Variants in SLC30A7 observed in about 807,000 individuals in gnomAD.
SLC30A7 encodes solute carrier family 30 member 7.
In SLC30A7, 35 loss-of-function variants were observed where a neutral mutation model predicts 46.0. The observed-to-expected ratio is 0.76, with a 90% CI of 0.58 to 1.01. The LOEUF (loss-of-function observed/expected upper bound fraction) is 1.01, where lower values mean the gene tolerates loss of function less well. Among genes scored for constraint, SLC30A7 ranks in the 50% least tolerant of loss-of-function variants. The probability of loss-of-function intolerance (pLI) is 0.00; values close to 1 mark genes in which losing one functional copy is unlikely to be tolerated. For missense variants in SLC30A7, 464 were observed against 451.1 expected, an observed-to-expected ratio of 1.03 and a Z score of -0.26; for synonymous variants, 147 against 157.8, an observed-to-expected ratio of 0.93 and a Z score of 0.51.
At chr1:100,952,986 C>T (rs1020970766) in intron 8 of SLC30A7, among the ~76,000 whole-genome samples, 2 of 152,092 alleles carry the variant, frequency 1.3e-5, no homozygotes, top group Admixed American at 1.3e-4. Flanking sequence ...GGAGGAAGGA[C>T]CTGGTGGAAG....
the SLC30A7 span, chr1:100,995,132 G>C: frequency 6.3e-7 from 1 of 1,578,646 alleles, no homozygotes; most frequent in Non-Finnish European, 8.7e-7. Context: ...TCCAAAGACT[G>C]CTCCTTTACT....
chr1:100,930,287 CTT>C (rs1653588224), intron 8 of SLC30A7, among the ~76,000 whole-genome samples: 1 of 151,840 alleles, frequency 6.6e-6, no homozygotes, highest in African/African-American at 2.4e-5. Context: ...AAAAACAAGT[CTT>C]TTTGTTAGGT....
chr1:100,958,497 A>G (rs572192422), intron 8 of SLC30A7, among the ~76,000 whole-genome samples: 1 of 152,138 alleles, frequency 6.6e-6, no homozygotes, highest in African/African-American at 2.4e-5. Context: ...TGTTTAATCT[A>G]ATGGCCTTTT....
intron 8 of SLC30A7, among the ~76,000 whole-genome samples, chr1:100,922,185 C>T (rs1049016420): frequency 2.6e-5 from 4 of 151,982 alleles, no homozygotes; most frequent in Admixed American, 6.6e-5. Flanking sequence ...AGGCTGGTCT[C>T]AAACTCTTGA....
At chr1:100,910,990 A>G (rs1557977783) in intron 3 of SLC30A7, 73 bp from the exon 4 acceptor site, 1 of 1,178,444 alleles carries the variant, frequency 8.5e-7, no homozygotes, top group Non-Finnish European at 1.2e-6. Flanking sequence ...GAATCTCTGA[A>G]TGTATGTAAT....
At chr1:100,969,240 CCTT>C (rs1482443852) in intron 10 of SLC30A7, among the ~76,000 whole-genome samples, 1 of 152,174 alleles carries the variant, frequency 6.6e-6, no homozygotes, top group Non-Finnish European at 1.5e-5. Flanking sequence ...GTGTCTGAAT[CCTT>C]CTTACACCTT....
rs1656942559 is a variant in SLC30A7, at chr1:100,981,710, G to T, written c.*6853G>T. On this transcript the variant is annotated 3_prime_UTR_variant, in exon 11 of 11. Coordinates refer to ENST00000357650, the MANE Select transcript of SLC30A7 (RefSeq NM_133496.5). ...TTCATATGTATTTAAAAAGAATCATGAACTGTATCAAAATTCTTTCAATAA... is the reference window on the plus strand; with the variant it reads ...TTCATATGTATTTAAAAAGAATCATTAACTGTATCAAAATTCTTTCAATAA... The T allele has an allele frequency of 6.6e-6, 1 of 152,100 alleles. No individual in the cohort carries two copies. The highest frequency in any genetic ancestry group is 1.5e-5 in the Non-Finnish European group (1 of 68,012). 9.4% of individuals were successfully genotyped at this position (152,100 alleles called of 1,614,324 possible). A position where few individuals can be genotyped will look rare whatever the true frequency, so the allele number is the denominator to read the frequency against.
intron 8 of SLC30A7, among the ~76,000 whole-genome samples, chr1:100,940,288 A>G (rs1654264341): frequency 1.3e-5 from 2 of 152,240 alleles, no homozygotes; most frequent in African/African-American, 4.8e-5. Flanking sequence ...TTTTAAAAGT[A>G]AAACATGAAA....
intron 9 of SLC30A7, among the ~76,000 whole-genome samples, chr1:100,962,612 C>T (rs1240064288): frequency 6.6e-6 from 1 of 152,144 alleles, no homozygotes; most frequent in Non-Finnish European, 1.5e-5. Flanking sequence ...GCTTGAAAGC[C>T]TGGAGAGAAT....
intron 8 of SLC30A7, among the ~76,000 whole-genome samples, chr1:100,940,293 A>C (rs896376344): frequency 3.9e-5 from 6 of 152,364 alleles, no homozygotes; most frequent in Admixed American, 3.9e-4. Flanking sequence ...AAAGTAAAAC[A>C]TGAAACCATG....
intron 9 of SLC30A7, 60 bp from the exon 10 acceptor site, chr1:100,965,709 T>G: frequency 1.4e-6 from 2 of 1,404,734 alleles, no homozygotes; most frequent in South Asian, 1.2e-5. Flanking sequence ...GCATAATAAC[T>G]TAAGTAAAAG....
At chr1:100,933,686 G>A (rs1339747552) in intron 8 of SLC30A7, among the ~76,000 whole-genome samples, 3 of 152,064 alleles carry the variant, frequency 2.0e-5, no homozygotes, top group Admixed American at 2.0e-4. Context: ...TTGTCCTTGC[G>A]ATAGTTTGTT....
chr1:100,911,880 T>A (rs1285304843), intron 4 of SLC30A7, among the ~76,000 whole-genome samples: 2 of 152,176 alleles, frequency 1.3e-5, no homozygotes, highest in Non-Finnish European at 2.9e-5. Context: ...GAACAAGTTT[T>A]GGACCAAATA....
the SLC30A7 span, chr1:100,995,268 AT>A: frequency 1.7e-6 from 1 of 578,152 alleles, no homozygotes; most frequent in South Asian, 2.1e-5. Context: ...TCACATTTTA[AT>A]TAGCCACTTT....
chr1:100,940,433 G>A (rs1357994203), intron 8 of SLC30A7, among the ~76,000 whole-genome samples: 1 of 152,056 alleles, frequency 6.6e-6, no homozygotes, highest in African/African-American at 2.4e-5. Flanking sequence ...TTAAAAAGAA[G>A]AATTTTGGCA....
chr1:100,906,776 AAT>A, intron 2 of SLC30A7, 74 bp from the exon 3 acceptor site: 1 of 952,722 alleles, frequency 1.0e-6, no homozygotes, highest in Non-Finnish European at 1.7e-6. Context: ...ACAAAGGCTG[AAT>A]CTTAGACTTT....
At chr1:100,972,327 CG>C (rs1656202971) in intron 10 of SLC30A7, 3 of 312,154 alleles carry the variant, frequency 9.6e-6, no homozygotes, top group Non-Finnish European at 2.0e-5. Context: ...CTGTCCTCAT[CG>C]GGCCAGATGG....
At chr1:100,989,161 A>G in the SLC30A7 span, among the ~76,000 whole-genome samples, 2 of 152,216 alleles carry the variant, frequency 1.3e-5, no homozygotes, top group Admixed American at 6.5e-5. Context: ...AATACTAGTA[A>G]GAAGAGTGTG....
At chr1:100,959,720 C>T (rs1252922329) in intron 8 of SLC30A7, among the ~76,000 whole-genome samples, 1 of 152,180 alleles carries the variant, frequency 6.6e-6, no homozygotes, top group Non-Finnish European at 1.5e-5. Flanking sequence ...TTAATCTTGG[C>T]AGTGATGTCT....
Sources: allele counts gnomAD v4.1 joint callset (sites outside exome capture counted in the v4.1 genomes callset), GRCh38; gene constraint gnomAD v4.1.1; transcripts MANE v1.5; gene names NCBI Gene and HGNC (gene_info 2026-07-23, HGNC 2026-07-21).